Variants in PHF20L1 observed in about 807,000 individuals in gnomAD.
PHF20L1 encodes PHD finger protein 20 like 1, also known as PHD finger protein 20-like protein 1.
In PHF20L1, 44 loss-of-function variants were observed where a neutral mutation model predicts 125.5. The ratio of observed to expected loss-of-function variants is 0.35; its 90% confidence interval spans 0.28 to 0.45. The LOEUF (loss-of-function observed/expected upper bound fraction) is 0.45, where lower values mean the gene tolerates loss of function less well. Among genes scored for constraint, PHF20L1 ranks in the 20% least tolerant of loss-of-function variants. PHF20L1 has a pLI of 1.00. For missense variants in PHF20L1, 1,012 were observed against 1,217.2 expected (o/e 0.83, Z 2.51); for synonymous variants, 380 against 403.1 (o/e 0.94, Z 0.69).
intron 4 of PHF20L1, among the ~76,000 whole-genome samples, chr8:132,795,278 C>G (rs1317551101): frequency 1.3e-5 from 2 of 152,112 alleles, no homozygotes; most frequent in Non-Finnish European, 2.9e-5. Flanking sequence ...TATTGTGTCT[C>G]TCCCTGCTGT....
intron 12 of PHF20L1, among the ~76,000 whole-genome samples, chr8:132,823,601 T>A (rs189447610): frequency 1.6e-4 from 25 of 152,032 alleles, no homozygotes; most frequent in African/African-American, 4.8e-4. Flanking sequence ...TGAAAAAAAT[T>A]ACGTATTTAC....
intron 19 of PHF20L1, chr8:132,843,523 T>A (rs967249666): frequency 3.0e-6 from 3 of 984,754 alleles, no homozygotes; most frequent in Middle Eastern, 5.2e-4. Flanking sequence ...GTATTTCGTA[T>A]CATAAAGTTT....
intron 12 of PHF20L1, chr8:132,819,020 A>G (rs372233571): frequency 2.0e-5 from 3 of 151,902 alleles, no homozygotes; most frequent in South Asian, 2.1e-4. Context: ...TAAAATATCA[A>G]TGTAGTGATT....
intron 16 of PHF20L1, 34 bp from the exon 17 acceptor site, chr8:132,837,678 T>A: frequency 2.0e-6 from 3 of 1,516,076 alleles, no homozygotes; most frequent in Non-Finnish European, 9.2e-7. Flanking sequence ...CTAGTGAGGA[T>A]CGGGTGACTG....
At position 132,845,922 on chromosome 8, in the gene PHF20L1, G is replaced by T; in HGVS notation, c.3053G>T (p.Ter1018LeuextTer3). 1 of 1,609,852 alleles carries T rather than the reference G, an allele frequency of 6.2e-7. No individual in the cohort carries two copies. The highest frequency in any genetic ancestry group is 8.5e-7 in the Non-Finnish European group (1 of 1,177,082). The change falls in exon 21 of 21, where the codon TGA (stop) becomes TTA (leucine). Residue 1018 changes from the stop codon to leucine (L), a stop_lost. Coordinates refer to ENST00000395386, the MANE Select transcript of PHF20L1 (RefSeq NM_016018.5). ...CAGATAGCAACTCTTTGCTCTGTAT[G>T]ACAACAGTGAACACTTAATGAAAGA... Reference protein sequence around the residue: ...VQQIATLCSV* With the variant: ...VQQIATLCSVL
intron 6 of PHF20L1, among the ~76,000 whole-genome samples, chr8:132,802,496 C>T (rs1456206291): frequency 6.6e-6 from 1 of 151,714 alleles, no homozygotes; most frequent in Non-Finnish European, 1.5e-5. Context: ...CAGTACATCT[C>T]CTGTCGCAGC....
intron 9 of PHF20L1, among the ~76,000 whole-genome samples, chr8:132,813,641 A>G (rs1834632474): frequency 6.6e-6 from 1 of 152,000 alleles, no homozygotes; most frequent in African/African-American, 2.4e-5. Flanking sequence ...ATAAAGGCCT[A>G]TGGTAGAATA....
chr8:132,797,682 A>G (rs1160805990), intron 4 of PHF20L1, among the ~76,000 whole-genome samples: 1 of 151,944 alleles, frequency 6.6e-6, no homozygotes, highest in Non-Finnish European at 1.5e-5. Context: ...TTGAATTTAG[A>G]TCTTTATATC....
At chr8:132,840,730 G>A (rs1837848151) in intron 18 of PHF20L1, among the ~76,000 whole-genome samples, 1 of 152,076 alleles carries the variant, frequency 6.6e-6, no homozygotes, top group Non-Finnish European at 1.5e-5. Flanking sequence ...CCTAGCAGAT[G>A]CCTTTCATAA....
intron 6 of PHF20L1, chr8:132,803,512 G>T: frequency 3.5e-6 from 1 of 287,350 alleles, no homozygotes; most frequent in Non-Finnish European, 6.5e-6. Flanking sequence ...ATGTCATGTA[G>T]TATTCCATAT....
At position 132,816,944 on chromosome 8, in the gene PHF20L1, A is replaced by T; in HGVS notation, c.1240A>T (p.Arg414Ter). 1 of 1,612,324 alleles carries T rather than the reference A, an allele frequency of 6.2e-7. No individual in the cohort carries two copies. The highest frequency in any genetic ancestry group is 8.5e-7 in the Non-Finnish European group (1 of 1,178,812). Residue 414 changes from arginine (R) to a stop codon, truncating the protein, a stop_gained, in exon 11 of 21, where the codon AGA becomes TGA. Transcript: ENST00000395386. LOFTEE classifies it high-confidence loss of function. ...RPFKHSERRRRSQRLATLPMP... is the reference protein window; with the variant it reads ...RPFKHSERRR ...TTTCAAGCATAGTGAGCGGAGAAGA[A>T]GATCTCAGCGTTTAGCCACCTTACC...
intron 8 of PHF20L1, chr8:132,808,411 T>C (rs1833977072): frequency 6.6e-6 from 1 of 152,080 alleles, no homozygotes; most frequent in South Asian, 2.1e-4. Context: ...TTTCAGCTTT[T>C]TAGTTTGTGA....
chr8:132,777,215 T>C (rs1249943722), intron 1 of PHF20L1, among the ~76,000 whole-genome samples: 2 of 152,200 alleles, frequency 1.3e-5, no homozygotes, highest in Non-Finnish European at 1.5e-5. Flanking sequence ...AGGTGGGAGA[T>C]CATGGGTAAT....
chr8:132,831,517 T>G, intron 14 of PHF20L1, among the ~76,000 whole-genome samples: 1 of 152,094 alleles, frequency 6.6e-6, no homozygotes, highest in Non-Finnish European at 1.5e-5. Flanking sequence ...CTTCAGAGAT[T>G]TATTACTTGA....
chr8:132,813,988 T>TG (rs1180070307), intron 9 of PHF20L1, among the ~76,000 whole-genome samples: 19 of 152,040 alleles, frequency 1.2e-4, no homozygotes, highest in East Asian at 1.9e-4. Context: ...TGGTTTTTTT[T>TG]TTGTTGTTGT....
At chr8:132,813,793 T>C (rs1250913314) in intron 9 of PHF20L1, among the ~76,000 whole-genome samples, 1 of 152,026 alleles carries the variant, frequency 6.6e-6, no homozygotes, top group African/African-American at 2.4e-5. Flanking sequence ...CATTCACACA[T>C]ATTTTAACAT....
intron 2 of PHF20L1, among the ~76,000 whole-genome samples, chr8:132,780,117 A>T (rs1043287593): frequency 6.6e-6 from 1 of 152,140 alleles, no homozygotes; most frequent in Admixed American, 6.5e-5. Context: ...GTATATATGT[A>T]TTCTAGGTAA....
At chr8:132,800,686 C>T (rs142793632) in intron 6 of PHF20L1, among the ~76,000 whole-genome samples, 211 of 151,682 alleles carry the variant, frequency 1.4e-3, no homozygotes, top group African/African-American at 4.6e-3. Flanking sequence ...TGCAAACCTC[C>T]GAAGTAATTA....
At chr8:132,813,490 A>G (rs904288796) in intron 9 of PHF20L1, among the ~76,000 whole-genome samples, 1 of 151,940 alleles carries the variant, frequency 6.6e-6, no homozygotes, top group African/African-American at 2.4e-5. Context: ...TTATTTATTT[A>G]TTTAGTCCCC....
Sources: allele counts gnomAD v4.1 joint callset (sites outside exome capture counted in the v4.1 genomes callset), GRCh38; gene constraint gnomAD v4.1.1; transcripts MANE v1.5; gene names NCBI Gene and HGNC (gene_info 2026-07-23, HGNC 2026-07-21).